Variants in FOXP2 observed in about 807,000 individuals in gnomAD.
FOXP2 encodes the protein forkhead box P2, also known as forkhead box protein P2.
FOXP2 carries 12 observed loss-of-function variants against 115.8 expected under a neutral mutation model. The observed-to-expected ratio is 0.10, with a 90% confidence interval of 0.07 to 0.17. The LOEUF (loss-of-function observed/expected upper bound fraction) is 0.17. Among genes scored for constraint, FOXP2 ranks in the 10% least tolerant of loss-of-function variants. FOXP2 has a pLI of 1.00. For synonymous variants in FOXP2, 328 were observed against 297.7 expected (o/e 1.10, Z -1.05); for missense variants, 629 against 843.5 (o/e 0.75, Z 3.15).
intron 2 of FOXP2, among the ~76,000 whole-genome samples, chr7:114,305,865 C>T (rs1254500745): frequency 6.6e-6 from 1 of 150,828 alleles, no homozygotes; most frequent in South Asian, 2.1e-4. Flanking sequence ...ATGTAACTTG[C>T]CAAGGTCACA....
At chr7:114,542,340 C>A (rs1036093007) in intron 3 of FOXP2, among the ~76,000 whole-genome samples, 1 of 152,044 alleles carries the variant, frequency 6.6e-6, no homozygotes, top group Non-Finnish European at 1.5e-5. Flanking sequence ...AAAATAAAAC[C>A]GTGCCCATTC....
intron 3 of FOXP2, among the ~76,000 whole-genome samples, chr7:114,625,269 T>C (rs1804491577): frequency 6.6e-6 from 1 of 151,790 alleles, no homozygotes; most frequent in Admixed American, 6.6e-5. Flanking sequence ...TCTGATTTCA[T>C]TTGGTGGTAG....
chr7:114,318,407 G>T (rs1235595253), intron 2 of FOXP2, among the ~76,000 whole-genome samples: 13 of 102,828 alleles, frequency 1.3e-4, no homozygotes, highest in South Asian at 7.4e-4. Context: ...TGGAGAGTAT[G>T]ATTTTTATTT....
intron 3 of FOXP2, among the ~76,000 whole-genome samples, chr7:114,589,139 T>C (rs1217005550): frequency 6.6e-6 from 1 of 152,208 alleles, no homozygotes; most frequent in Non-Finnish European, 1.5e-5. Flanking sequence ...AAGATACAAA[T>C]TGCAAGATTC....
intron 1 of FOXP2, among the ~76,000 whole-genome samples, chr7:114,227,823 G>A (rs925078988): frequency 6.6e-6 from 1 of 151,970 alleles, no homozygotes; most frequent in South Asian, 2.1e-4. Context: ...TACATGGGCA[G>A]CAGGAAGTCT....
intron 2 of FOXP2, among the ~76,000 whole-genome samples, chr7:114,359,083 A>C (rs1487607309): frequency 6.6e-6 from 1 of 152,070 alleles, no homozygotes; most frequent in East Asian, 1.9e-4. Context: ...AGGAGGAAAA[A>C]ATGGTTTTGT....
At chr7:114,573,053 A>T (rs1801399206) in intron 3 of FOXP2, among the ~76,000 whole-genome samples, 1 of 151,758 alleles carries the variant, frequency 6.6e-6, no homozygotes. Context: ...CACCAGTATG[A>T]GTTAGTGAGG....
intron 16 of FOXP2, among the ~76,000 whole-genome samples, chr7:114,678,963 C>G (rs1481144954): frequency 6.6e-6 from 1 of 152,138 alleles, no homozygotes; most frequent in East Asian, 1.9e-4. Flanking sequence ...GCTCTTCTAT[C>G]TCCTTGGTAG....
chr7:114,614,515 A>C (rs1803820665), intron 3 of FOXP2, among the ~76,000 whole-genome samples: 1 of 152,098 alleles, frequency 6.6e-6, no homozygotes, highest in Non-Finnish European at 1.5e-5. Context: ...ACATAGTTAA[A>C]TTATTGGTAT....
Position 114,543,027 on chromosome 7 carries a change from C to T in FOXP2, c.258+8321C>T, listed in dbSNP as rs375399571. The stretch of plus-strand genomic sequence containing the variant: ...GAACTCCTGACCTTAAGTGATCCAC[C>T]CACCTTGGCCTCCAAAAGCGCTGGG... On this transcript the variant is annotated intron_variant, in intron 3 of 16. Coordinates refer to ENST00000350908, the MANE Select transcript of FOXP2 (RefSeq NM_014491.4). Among the ~76,000 whole-genome samples, 13 of 151,970 alleles carry T rather than the reference C, an allele frequency of 8.6e-5. No homozygotes were observed. In the East Asian group the frequency reaches 2.1e-3, roughly 25 times the overall value.
At chr7:114,501,699 A>G (rs900981906) in intron 2 of FOXP2, among the ~76,000 whole-genome samples, 1 of 152,138 alleles carries the variant, frequency 6.6e-6, no homozygotes, top group Admixed American at 6.6e-5. Flanking sequence ...TAAAAATAAA[A>G]TATACTTTAT....
In FOXP2 at chr7:114,130,184, G is replaced by A. The variant is rs370869207; in HGVS notation, c.-246-32760G>A. On this transcript the variant is annotated intron_variant, in intron 1 of 19. Transcript: ENST00000635638. The stretch of plus-strand genomic sequence containing the variant: ...AAAAATAAAATAAAATTAGCTAGGC[G>A]TGGTGGCATGTACCTGTAGCCCCAG... 7.9e-5 allele frequency among the ~76,000 whole-genome samples: 12 copies of A among 152,222 alleles called. No homozygotes were observed. The East Asian group carries it at 1.7e-3, about 22-fold the overall frequency.
chr7:114,674,660 T>C (rs1040677011), intron 16 of FOXP2, among the ~76,000 whole-genome samples: 5 of 152,202 alleles, frequency 3.3e-5, no homozygotes, highest in African/African-American at 7.2e-5. Context: ...TATAATTTCT[T>C]AGCTGATAAA....
intron 2 of FOXP2, among the ~76,000 whole-genome samples, chr7:114,315,101 T>G (rs537350867): frequency 4.8e-4 from 73 of 152,316 alleles, no homozygotes; most frequent in Non-Finnish European, 8.4e-4. Context: ...TCAATCCAGG[T>G]TCCATCACTG....
intron 2 of FOXP2, among the ~76,000 whole-genome samples, chr7:114,453,917 A>G (rs1795174836): frequency 6.6e-6 from 1 of 152,150 alleles, no homozygotes; most frequent in Non-Finnish European, 1.5e-5. Context: ...TAAAAACCCT[A>G]GAAGAAAACC....
rs917755394 is a variant in FOXP2 at position 114,635,631 on chromosome 7, A to G, written c.775+3926A>G. Among the ~76,000 whole-genome samples the G allele has an allele frequency of 4.6e-5, 7 of 152,306 alleles. No homozygotes were observed. In the East Asian group the frequency reaches 1.3e-3, roughly 29 times the overall value. ...TGAGTTAGTTTTTGAAAAAATGTAA[A>G]AAGATTGAGATTAAACTGTATCATA... is the stretch of plus-strand genomic sequence containing the variant. On this transcript the variant is annotated intron_variant, in intron 6 of 16. Transcript: ENST00000350908.
intron 1 of FOXP2, among the ~76,000 whole-genome samples, chr7:114,256,554 T>C (rs1024161471): frequency 6.6e-6 from 1 of 152,212 alleles, no homozygotes; most frequent in Non-Finnish European, 1.5e-5. Context: ...GTTGTTTGTG[T>C]TTGTCTTGTA....
At chr7:114,139,313 C>T (rs1299313073) in intron 1 of FOXP2, among the ~76,000 whole-genome samples, 1 of 152,130 alleles carries the variant, frequency 6.6e-6, no homozygotes, top group East Asian at 1.9e-4. Context: ...TATTCTTGGA[C>T]TCAGAGAATA....
chr7:114,184,983 G>A (rs1366233354), intron 1 of FOXP2, among the ~76,000 whole-genome samples: 1 of 151,976 alleles, frequency 6.6e-6, no homozygotes, highest in African/African-American at 2.4e-5. Context: ...CCTATGTTAC[G>A]TCATATGATT....
Sources: gnomAD v4.1 joint callset for allele counts (sites outside exome capture counted in the v4.1 genomes callset) on GRCh38, gnomAD v4.1.1 for gene constraint, MANE v1.5 for transcripts, NCBI Gene and HGNC (gene_info 2026-07-23, HGNC 2026-07-21) for gene names.